Variants in DLG2 observed in about 807,000 individuals in gnomAD.
DLG2 encodes the protein discs large MAGUK scaffold protein 2.
A neutral mutation model predicts 132.5 loss-of-function variants in DLG2; 45 were observed. The observed-to-expected ratio is 0.34, with a 90% confidence interval of 0.27 to 0.44. The LOEUF (loss-of-function observed/expected upper bound fraction) is 0.44. Ranked by LOEUF, DLG2 falls within the 20% of genes least tolerant of loss-of-function variation. The pLI, the probability that DLG2 is intolerant of heterozygous loss-of-function variation, is 1.00. For synonymous variants in DLG2, 424 were observed against 419.6 expected (o/e 1.01, Z -0.13); for missense variants, 1,045 against 1,196.9 (o/e 0.87, Z 1.87).
At chr11:84,078,772 A>C (rs1043628105) in intron 10 of DLG2, among the ~76,000 whole-genome samples, 1 of 152,132 alleles carries the variant, frequency 6.6e-6, no homozygotes, top group African/African-American at 2.4e-5. Context: ...TTTTTATTCC[A>C]TACTTTTTCA....
At chr11:84,634,445 C>G (rs1160347244) in intron 6 of DLG2, among the ~76,000 whole-genome samples, 1 of 152,202 alleles carries the variant, frequency 6.6e-6, no homozygotes, top group Non-Finnish European at 1.5e-5. Flanking sequence ...ACAACCTACT[C>G]TTTATCAACC....
intron 3 of DLG2, among the ~76,000 whole-genome samples, chr11:85,540,569 C>G (rs1035915946): frequency 3.3e-5 from 5 of 152,214 alleles, no homozygotes; most frequent in Non-Finnish European, 7.3e-5. Flanking sequence ...CCTCCAAGCC[C>G]ACATGTGATT....
rs200067188 is a variant in DLG2, at chr11:84,367,463, T to G, written c.520-116172A>C. Among the ~76,000 whole-genome samples, 4 of 152,118 alleles carry G rather than the reference T, an allele frequency of 2.6e-5. No homozygotes were observed. In the East Asian group the frequency reaches 7.7e-4, roughly 29 times the overall value. The stretch of plus-strand genomic sequence containing the variant: ...AGTCCCATTCAAGCAGGATGATTGT[T>G]TGAAGTCTCGACGGCTGTGTGCTAG... On this transcript the variant is annotated intron_variant, in intron 7 of 27. Coordinates refer to ENST00000376104, the MANE Select transcript of DLG2 (RefSeq NM_001142699.3).
At chr11:83,805,167 G>A (rs2045581239) in intron 17 of DLG2, among the ~76,000 whole-genome samples, 1 of 152,030 alleles carries the variant, frequency 6.6e-6, no homozygotes. Flanking sequence ...CAATCTATAA[G>A]GTGGTTTATT....
At chr11:83,850,418 G>C (rs1394130100) in intron 16 of DLG2, among the ~76,000 whole-genome samples, 1 of 152,140 alleles carries the variant, frequency 6.6e-6, no homozygotes, top group African/African-American at 2.4e-5. Context: ...CTCCCAAAGT[G>C]CTGGGATTAC....
intron 7 of DLG2, among the ~76,000 whole-genome samples, chr11:84,290,012 T>C (rs2097966282): frequency 6.6e-6 from 1 of 152,162 alleles, no homozygotes; most frequent in Non-Finnish European, 1.5e-5. Flanking sequence ...TAACTAAGTT[T>C]GCTCATTCTG....
intron 19 of DLG2, among the ~76,000 whole-genome samples, chr11:83,621,032 C>T (rs1161683254): frequency 5.3e-5 from 8 of 151,860 alleles, no homozygotes; most frequent in East Asian, 3.9e-4. Context: ...ATATGGAGAT[C>T]TATCTAGTGA....
chr11:85,578,520 A>G (rs1033813934), intron 3 of DLG2, among the ~76,000 whole-genome samples: 22 of 152,234 alleles, frequency 1.4e-4, no homozygotes, highest in African/African-American at 5.3e-4. Context: ...CTCAGCATCT[A>G]TAAGGAACTT....
chr11:85,102,853 A>C (rs985600348), intron 6 of DLG2, among the ~76,000 whole-genome samples: 1 of 152,012 alleles, frequency 6.6e-6, no homozygotes, highest in Non-Finnish European at 1.5e-5. Context: ...TGCACATCAC[A>C]TAGTCTCGTA....
chr11:84,301,503 A>G (rs975756890), intron 7 of DLG2, among the ~76,000 whole-genome samples: 1 of 151,490 alleles, frequency 6.6e-6, no homozygotes, highest in Non-Finnish European at 1.5e-5. Flanking sequence ...TAAAAATACA[A>G]AAAAAAATTA....
At chr11:84,586,591 T>C (rs184185151) in intron 6 of DLG2, among the ~76,000 whole-genome samples, 2 of 152,268 alleles carry the variant, frequency 1.3e-5, no homozygotes, top group Admixed American at 1.3e-4. Context: ...AACTGGCAAG[T>C]TTAATCTATT....
intron 6 of DLG2, among the ~76,000 whole-genome samples, chr11:84,834,138 T>A (rs1356030235): frequency 1.3e-5 from 2 of 151,696 alleles, no homozygotes; most frequent in African/African-American, 4.8e-5. Context: ...ATTTCTAATA[T>A]TAATTAAATA....
chr11:85,096,385 A>G (rs987654676), intron 6 of DLG2, among the ~76,000 whole-genome samples: 1 of 151,942 alleles, frequency 6.6e-6, no homozygotes, highest in African/African-American at 2.4e-5. Context: ...AAGACCACGA[A>G]CCCACCGGGA....
intron 14 of DLG2, among the ~76,000 whole-genome samples, chr11:83,952,020 A>G (rs2085570597): frequency 1.3e-5 from 2 of 152,150 alleles, no homozygotes; most frequent in Admixed American, 1.3e-4. Context: ...TGACCTGAGC[A>G]ACAGCTCCCA....
intron 18 of DLG2, among the ~76,000 whole-genome samples, chr11:83,724,455 CTCCGT>C (rs2089494602): frequency 1.7e-5 from 2 of 115,706 alleles, no homozygotes; most frequent in Non-Finnish European, 3.5e-5. Context: ...CAATCTCTCT[CTCCGT>C]GTGTGTGTGT....
At chr11:84,418,662 C>T (rs916724843) in intron 7 of DLG2, among the ~76,000 whole-genome samples, 1 of 152,142 alleles carries the variant, frequency 6.6e-6, no homozygotes, top group African/African-American at 2.4e-5. Flanking sequence ...TACCTCCTTA[C>T]TACAGCATGC....
At chr11:84,849,555 T>A (rs1478521795) in intron 6 of DLG2, among the ~76,000 whole-genome samples, 1 of 152,114 alleles carries the variant, frequency 6.6e-6, no homozygotes, top group African/African-American at 2.4e-5. Context: ...TGTTCTGCCA[T>A]AGTCTTTGCA....
chr11:84,671,792 C>G (rs987341059), intron 6 of DLG2, among the ~76,000 whole-genome samples: 5 of 152,076 alleles, frequency 3.3e-5, no homozygotes, highest in African/African-American at 1.2e-4. Flanking sequence ...AGTCACTACT[C>G]AGAACAGACT....
chr11:83,658,988 A>G (rs2073506859), intron 18 of DLG2, among the ~76,000 whole-genome samples: 1 of 152,174 alleles, frequency 6.6e-6, no homozygotes, highest in African/African-American at 2.4e-5. Context: ...CAGATCTGAA[A>G]CCAGGTCCTC....
Sources: gnomAD v4.1 joint callset for allele counts (sites outside exome capture counted in the v4.1 genomes callset) on GRCh38, gnomAD v4.1.1 for gene constraint, MANE v1.5 for transcripts, NCBI Gene and HGNC (gene_info 2026-07-23, HGNC 2026-07-21) for gene names.